EML4: variants seen among roughly 807,000 people sequenced by gnomAD.
EML4 encodes echinoderm microtubule-associated protein-like 4.
Under a neutral mutation model 129.0 loss-of-function variants are expected in EML4, and 72 were observed. The observed-to-expected ratio is 0.56, with a 90% CI of 0.46 to 0.68. The LOEUF is 0.68. Among genes scored for constraint, EML4 ranks in the 30% least tolerant of loss-of-function variants. The probability of loss-of-function intolerance (pLI) is 0.00; values close to 1 mark genes in which losing one functional copy is unlikely to be tolerated. For synonymous variants in EML4, 532 were observed against 405.0 expected (o/e 1.31, Z -3.77); for missense variants, 1,363 against 1,190.6 (o/e 1.14, Z -2.13).
chr2:42,261,496 G>GTA, intron 4 of EML4: 18 of 229,162 alleles, frequency 7.9e-5, no homozygotes, highest in Middle Eastern at 1.1e-3. Flanking sequence ...AGTTAAAACT[G>GTA]GAAAAAAAAA....
At chr2:42,238,950 G>A (rs1674852306) in intron 1 of EML4, among the ~76,000 whole-genome samples, 1 of 151,766 alleles carries the variant, frequency 6.6e-6, no homozygotes, top group African/African-American at 2.4e-5. Flanking sequence ...AATTTTTTTT[G>A]TAGAGACAGG....
At chr2:42,301,717 G>C (rs1033757773) in intron 14 of EML4, among the ~76,000 whole-genome samples, 2 of 150,750 alleles carry the variant, frequency 1.3e-5, no homozygotes, top group Non-Finnish European at 3.0e-5. Flanking sequence ...TTTTTTCTAC[G>C]TGTAGCATTC....
chr2:42,212,713 A>T (rs1017845598), intron 1 of EML4, among the ~76,000 whole-genome samples: 1 of 152,218 alleles, frequency 6.6e-6, no homozygotes, highest in Admixed American at 6.5e-5. Context: ...AGTCCCCTTC[A>T]TGCATTTCTA....
At chr2:42,317,631 T>A in intron 19 of EML4, 107 bp downstream of exon 19, 1 of 700,270 alleles carries the variant, frequency 1.4e-6, no homozygotes. Flanking sequence ...TTAGCTGCTT[T>A]AATCTCTGTC....
intron 2 of EML4, among the ~76,000 whole-genome samples, chr2:42,251,339 A>C (rs749289777): frequency 5.3e-5 from 8 of 152,254 alleles, no homozygotes; most frequent in Non-Finnish European, 1.0e-4. Context: ...GTGGAACAAG[A>C]CATTATGCAG....
chr2:42,179,182 T>C (rs538289672), intron 1 of EML4, among the ~76,000 whole-genome samples: 9 of 152,188 alleles, frequency 5.9e-5, no homozygotes, highest in African/African-American at 2.2e-4. Flanking sequence ...CAGCCATGAA[T>C]TCATAGCCTG....
intron 1 of EML4, among the ~76,000 whole-genome samples, chr2:42,195,168 C>T (rs1183214922): frequency 1.3e-5 from 2 of 152,038 alleles, no homozygotes; most frequent in Non-Finnish European, 2.9e-5. Flanking sequence ...GAATGTATTT[C>T]TCCTAAGTTG....
chr2:42,233,472 AT>A (rs981300334), intron 1 of EML4, among the ~76,000 whole-genome samples: 3 of 147,940 alleles, frequency 2.0e-5, no homozygotes, highest in Admixed American at 6.7e-5. Context: ...TGCCCAGCCA[AT>A]TTTTTTTTTA....
intron 1 of EML4, among the ~76,000 whole-genome samples, chr2:42,197,876 A>C (rs1413143816): frequency 6.6e-6 from 1 of 152,212 alleles, no homozygotes; most frequent in Non-Finnish European, 1.5e-5. Context: ...ATAAAATAGA[A>C]TTAGAAGCAT....
At chr2:42,309,125 A>G (rs1668783417) in intron 17 of EML4, among the ~76,000 whole-genome samples, 1 of 152,008 alleles carries the variant, frequency 6.6e-6, no homozygotes, top group Non-Finnish European at 1.5e-5. Context: ...ACATTTTAAG[A>G]CCAGGCACAA....
At chr2:42,220,535 T>C (rs565403896) in intron 1 of EML4, among the ~76,000 whole-genome samples, 1 of 152,296 alleles carries the variant, frequency 6.6e-6, no homozygotes, top group African/African-American at 2.4e-5. Flanking sequence ...GCTGTTCCTC[T>C]GTCTCTCTCC....
chr2:42,254,795 A>G lies in EML4; in HGVS notation c.209-1706A>G, dbSNP rs564706513. Among the ~76,000 whole-genome samples the G allele has an allele frequency of 2.6e-5, 4 of 152,322 alleles. No individual in the cohort carries two copies. The South Asian group carries it at 8.3e-4, about 32-fold the overall frequency. ...CAGTTCCGCTCCTAGGTATATACTC[A>G]AAATAATTGAAAACAGGTGGTTATA... On this transcript the variant is annotated intron_variant, in intron 2 of 22. Transcript: ENST00000318522.
At chr2:42,318,138 C>T (rs899943198) in intron 19 of EML4, among the ~76,000 whole-genome samples, 2 of 152,166 alleles carry the variant, frequency 1.3e-5, no homozygotes, top group African/African-American at 4.8e-5. Context: ...AACATGTGTT[C>T]CTTTGTCCTC....
At chr2:42,201,875 A>C (rs922385615) in intron 1 of EML4, among the ~76,000 whole-genome samples, 2 of 152,212 alleles carry the variant, frequency 1.3e-5, no homozygotes, top group African/African-American at 4.8e-5. Flanking sequence ...TGAGGCCAGG[A>C]GTTCAAGACC....
chr2:42,318,484 T>C (rs189116026), intron 19 of EML4, among the ~76,000 whole-genome samples: 1 of 152,344 alleles, frequency 6.6e-6, no homozygotes, highest in East Asian at 1.9e-4. Context: ...TGTAAACTAG[T>C]CTACAAACAA....
chr2:42,242,707 C>A (rs1293915516), intron 1 of EML4, among the ~76,000 whole-genome samples: 1 of 150,056 alleles, frequency 6.7e-6, no homozygotes, highest in African/African-American at 2.5e-5. Context: ...CTTTTCTTTT[C>A]TTTCCTTTTC....
intron 1 of EML4, among the ~76,000 whole-genome samples, chr2:42,203,462 C>A (rs1012862072): frequency 6.6e-6 from 1 of 152,052 alleles, no homozygotes; most frequent in African/African-American, 2.4e-5. Flanking sequence ...ATTGACATAG[C>A]TGTAATTAAA....
At chr2:42,322,720 T>C (rs940907096) in intron 19 of EML4, among the ~76,000 whole-genome samples, 1 of 152,216 alleles carries the variant, frequency 6.6e-6, no homozygotes, top group African/African-American at 2.4e-5. Flanking sequence ...TTTGTGCCCA[T>C]GGAGTAAAGT....
chr2:42,247,208 A>G (rs923114481), intron 2 of EML4, among the ~76,000 whole-genome samples: 8 of 152,234 alleles, frequency 5.3e-5, no homozygotes, highest in Non-Finnish European at 1.0e-4. Context: ...TGAGAATTTG[A>G]GAAGGGATCT....
Sources: gnomAD v4.1 joint callset for allele counts (sites outside exome capture counted in the v4.1 genomes callset) on GRCh38, gnomAD v4.1.1 for gene constraint, MANE v1.5 for transcripts, NCBI Gene and HGNC (gene_info 2026-07-23, HGNC 2026-07-21) for gene names.